Variants in COP1 observed in about 807,000 individuals in gnomAD.
The protein encoded by COP1 is COP1 E3 ubiquitin ligase, also known as E3 ubiquitin-protein ligase COP1.
A neutral mutation model predicts 101.3 loss-of-function variants in COP1; 24 were observed. The observed-to-expected ratio is 0.24, with a 90% CI of 0.17 to 0.33. The LOEUF is 0.33. Among genes scored for constraint, COP1 ranks in the 10% least tolerant of loss-of-function variants. The pLI is 1.00. For missense variants in COP1, 663 were observed against 906.2 expected (o/e 0.73, Z 3.45); for synonymous variants, 347 against 341.9 (o/e 1.01, Z -0.17).
chr1:176,096,528 G>A (rs1323082792), intron 9 of COP1, among the ~76,000 whole-genome samples: 2 of 152,240 alleles, frequency 1.3e-5, no homozygotes, highest in Non-Finnish European at 2.9e-5. Flanking sequence ...CTGCATGGTT[G>A]ACTGGCCAGA....
At chr1:175,994,083 C>G (rs1375358859) in intron 15 of COP1, among the ~76,000 whole-genome samples, 1 of 152,114 alleles carries the variant, frequency 6.6e-6, no homozygotes, top group African/African-American at 2.4e-5. Flanking sequence ...GAGTGGGGGC[C>G]AATATTCAAC....
At chr1:175,986,903 T>C in intron 18 of COP1, 40 bp downstream of exon 18, 1 of 1,467,898 alleles carries the variant, frequency 6.8e-7, no homozygotes, top group Non-Finnish European at 9.2e-7. Flanking sequence ...TAATGCATAA[T>C]ATGAGATCCC....
rs542317333 is a variant in COP1 at position 175,945,745 on chromosome 1, C to T, written c.2179-575G>A. The stretch of plus-strand genomic sequence containing the variant: ...GGAAGCAAATGGCTAAGAAAGATCA[C>T]GGAACAGGAGGATAGTTATGAGACA... On this transcript the variant is annotated intron_variant, in intron 19 of 19. Transcript: ENST00000367669. Among the ~76,000 whole-genome samples the T allele has an allele frequency of 1.3e-3, 205 of 152,246 alleles. 2 individuals carry two copies. Among genetic ancestry groups the T allele is most frequent in the African/African-American group, 8.7e-4 (36 of 41,546 alleles).
intron 3 of COP1, among the ~76,000 whole-genome samples, chr1:176,165,346 G>C (rs138903942): frequency 1.3e-5 from 2 of 149,766 alleles, no homozygotes; most frequent in East Asian, 4.0e-4. Flanking sequence ...GTGAGAGAGA[G>C]AGAGAGATGT....
At chr1:175,989,311 T>TA in intron 16 of COP1, 51 bp downstream of exon 16, 1 of 881,074 alleles carries the variant, frequency 1.1e-6, no homozygotes, top group Non-Finnish European at 1.9e-6. Flanking sequence ...AGCTGGTAGG[T>TA]AAGTACAGAG....
chr1:176,205,536 T>G (rs901688758), intron 1 of COP1, among the ~76,000 whole-genome samples: 1 of 152,220 alleles, frequency 6.6e-6, no homozygotes, highest in African/African-American at 2.4e-5. Flanking sequence ...AGCAGCCAAC[T>G]TCCTACATGC....
intron 11 of COP1, among the ~76,000 whole-genome samples, chr1:176,077,161 G>C (rs940165421): frequency 6.6e-6 from 1 of 152,050 alleles, no homozygotes; most frequent in East Asian, 1.9e-4. Flanking sequence ...ATCTGGCAGA[G>C]ACACAATGAT....
In COP1 at chr1:176,093,056, C is replaced by T. The variant is rs1259159384; in HGVS notation, c.1027-7166G>A. 2.0e-5 allele frequency among the ~76,000 whole-genome samples: 3 copies of T among 152,126 alleles called. No homozygotes were observed. In the South Asian group the frequency reaches 6.2e-4, roughly 31 times the overall value. Reference sequence around the variant, plus strand: ...GCAATTAATCTCTGAAAAAACAAATCTCAGAAATCTTACTATAATATTTTT... The same window carrying T: ...GCAATTAATCTCTGAAAAAACAAATTTCAGAAATCTTACTATAATATTTTT... On this transcript the variant is annotated intron_variant, in intron 9 of 19. Transcript: ENST00000367669.
At chr1:176,020,887 A>G (rs1666648376) in intron 15 of COP1, among the ~76,000 whole-genome samples, 4 of 152,266 alleles carry the variant, frequency 2.6e-5, no homozygotes. Context: ...TAAAGTATTT[A>G]CAATGAGTTA....
At chr1:175,959,785 A>G (rs953498330) in intron 18 of COP1, among the ~76,000 whole-genome samples, 1 of 152,168 alleles carries the variant, frequency 6.6e-6, no homozygotes, top group Non-Finnish European at 1.5e-5. Context: ...CTCCCTAGAG[A>G]GTCAACTACT....
At chr1:176,120,342 C>A (rs1421492632) in intron 8 of COP1, among the ~76,000 whole-genome samples, 1 of 151,714 alleles carries the variant, frequency 6.6e-6, no homozygotes, top group Non-Finnish European at 1.5e-5. Context: ...ATCTCTTGAA[C>A]CCAGGAGGCG....
chr1:175,992,180 G>A (rs1557863052), intron 15 of COP1, among the ~76,000 whole-genome samples: 1 of 152,118 alleles, frequency 6.6e-6, no homozygotes, highest in Non-Finnish European at 1.5e-5. Flanking sequence ...CATGGAGAAT[G>A]GCGCACCTAC....
intron 1 of COP1, among the ~76,000 whole-genome samples, chr1:176,194,414 C>A: frequency 6.6e-6 from 1 of 152,022 alleles, no homozygotes; most frequent in South Asian, 2.1e-4. Flanking sequence ...CCGAGGCAGG[C>A]GGATCACAAA....
intron 15 of COP1, among the ~76,000 whole-genome samples, chr1:176,003,570 G>A (rs1428964828): frequency 6.6e-6 from 1 of 151,138 alleles, no homozygotes; most frequent in African/African-American, 2.4e-5. Flanking sequence ...TCTACATATG[G>A]CTAGCCAGTT....
At chr1:176,096,880 G>A (rs985497646) in intron 9 of COP1, among the ~76,000 whole-genome samples, 1 of 152,144 alleles carries the variant, frequency 6.6e-6, no homozygotes, top group East Asian at 1.9e-4. Flanking sequence ...AGCCAGACCT[G>A]TAACCACATG....
chr1:176,165,061 CAACA>C (rs1179957256), intron 3 of COP1, among the ~76,000 whole-genome samples: 5 of 152,054 alleles, frequency 3.3e-5, no homozygotes, highest in Non-Finnish European at 5.9e-5. Context: ...TTTTTGAAAA[CAACA>C]AACAGATACC....
intron 11 of COP1, among the ~76,000 whole-genome samples, chr1:176,057,962 T>C (rs1441891921): frequency 6.6e-6 from 1 of 150,952 alleles, no homozygotes; most frequent in African/African-American, 2.4e-5. Flanking sequence ...TTCTGGGATA[T>C]GAGGAGCGTC....
At chr1:175,967,797 C>T (rs1010617488) in intron 18 of COP1, among the ~76,000 whole-genome samples, 13 of 152,200 alleles carry the variant, frequency 8.5e-5, no homozygotes, top group African/African-American at 3.1e-4. Context: ...TCCTTCATAT[C>T]TAAAGTATTG....
In COP1 at chr1:176,105,559, C is replaced by G. The variant is rs187497751; in HGVS notation, c.1026+11065G>C. 3.7e-4 allele frequency among the ~76,000 whole-genome samples: 56 copies of G among 152,176 alleles called. 1 individual carries two copies. Among genetic ancestry groups the G allele is most frequent in the Non-Finnish European group, 5.0e-4 (34 of 68,002 alleles). ...TATTTTGATCGTGACAGCTAGGTTT[C>G]CATCAGAAAAGGAAATTATAAATAT... On this transcript the variant is annotated intron_variant, in intron 9 of 19. Transcript: ENST00000367669.
Sources: gnomAD v4.1 joint callset for allele counts (sites outside exome capture counted in the v4.1 genomes callset) on GRCh38, gnomAD v4.1.1 for gene constraint, MANE v1.5 for transcripts, NCBI Gene and HGNC (gene_info 2026-07-23, HGNC 2026-07-21) for gene names.